ATP8A2: variants seen among roughly 807,000 people sequenced by gnomAD.
The protein encoded by ATP8A2 is phospholipid-transporting ATPase IB.
Under a neutral mutation model 165.6 loss-of-function variants are expected in ATP8A2, and 100 were observed. The observed-to-expected ratio is 0.60, with a 90% CI of 0.51 to 0.71. The LOEUF (loss-of-function observed/expected upper bound fraction) is 0.71, where lower values mean the gene tolerates loss of function less well. ATP8A2 is among the 30% of genes least tolerant of loss of function. The probability of loss-of-function intolerance (pLI) is 0.00; values close to 1 mark genes in which losing one functional copy is unlikely to be tolerated. For synonymous variants in ATP8A2, 543 were observed against 548.8 expected (o/e 0.99, Z 0.15); for missense variants, 1,227 against 1,479.5 (o/e 0.83, Z 2.80).
intron 22 of ATP8A2, among the ~76,000 whole-genome samples, chr13:25,581,178 T>C (rs760032639): frequency 6.6e-6 from 1 of 152,134 alleles, no homozygotes; most frequent in Non-Finnish European, 1.5e-5. Flanking sequence ...AGACTTGGGA[T>C]GTGAGTACAT....
At chr13:25,635,000 C>T (rs1169427090) in intron 24 of ATP8A2, among the ~76,000 whole-genome samples, 1 of 152,008 alleles carries the variant, frequency 6.6e-6, no homozygotes, top group Non-Finnish European at 1.5e-5. Context: ...TAGGGATGTT[C>T]CCTCTAATTT....
chr13:25,722,750 G>A (rs1468343591), intron 25 of ATP8A2, among the ~76,000 whole-genome samples: 1 of 152,032 alleles, frequency 6.6e-6, no homozygotes, highest in African/African-American at 2.4e-5. Context: ...CTAATTCCCT[G>A]GCTAAGACAC....
rs188656253 is a variant in ATP8A2 at position 25,506,171 on chromosome 13, G to A, written c.222-23828G>A. Among the ~76,000 whole-genome samples the A allele has an allele frequency of 2.6e-5, 4 of 152,346 alleles. No individual in the cohort carries two copies. The East Asian group carries it at 7.7e-4, about 29-fold the overall frequency. ...CTAGATAATACCGAATGATGAGAGA[G>A]CTCTTCCGCTCTCCCTGCTGAAAGT... On this transcript the variant is annotated intron_variant, in intron 2 of 36. Transcript: ENST00000381655.
At chr13:25,993,479 GTATAGTTTTATA>G (rs1956435277) in intron 35 of ATP8A2, among the ~76,000 whole-genome samples, 1 of 152,210 alleles carries the variant, frequency 6.6e-6, no homozygotes, top group Non-Finnish European at 1.5e-5. Context: ...TGCAAAAGTT[GTATAGTTTTATA>G]TTTTACTTTC....
intron 27 of ATP8A2, among the ~76,000 whole-genome samples, chr13:25,798,833 A>G (rs1025642666): frequency 6.6e-6 from 1 of 152,100 alleles, no homozygotes; most frequent in Non-Finnish European, 1.5e-5. Flanking sequence ...CTTTACCTCT[A>G]TCCTCTTAGG....
At chr13:26,007,337 T>TAGG (rs1449382997) in intron 35 of ATP8A2, among the ~76,000 whole-genome samples, 1 of 152,138 alleles carries the variant, frequency 6.6e-6, no homozygotes. Flanking sequence ...AACATTGGAG[T>TAGG]GCATGGAGAA....
intron 24 of ATP8A2, among the ~76,000 whole-genome samples, chr13:25,643,893 TG>T (rs1208758351): frequency 2.6e-5 from 4 of 152,058 alleles, no homozygotes; most frequent in Non-Finnish European, 4.4e-5. Context: ...CTATGAACAT[TG>T]TTTTTTTCAT....
At chr13:25,819,051 T>C (rs1426632578) in intron 27 of ATP8A2, among the ~76,000 whole-genome samples, 1 of 152,210 alleles carries the variant, frequency 6.6e-6, no homozygotes, top group African/African-American at 2.4e-5. Flanking sequence ...TCTGGCTCCA[T>C]GTCTGCTCAG....
At position 25,500,592 on chromosome 13, in the gene ATP8A2, A is replaced by T. The variant is rs564048779; in HGVS notation, c.222-29407A>T. ...AGTGGTAACTTGAGGCCCAATATATAATTTTTTTTTTGAGACAGGGTCTCA... is the reference window on the plus strand; with the variant it reads ...AGTGGTAACTTGAGGCCCAATATATTATTTTTTTTTTGAGACAGGGTCTCA... On this transcript the variant is annotated intron_variant, in intron 2 of 36. Coordinates refer to ENST00000381655, the MANE Select transcript of ATP8A2 (RefSeq NM_016529.6). Among the ~76,000 whole-genome samples, 15 of 150,120 alleles carry T rather than the reference A, an allele frequency of 1.0e-4. No individual in the cohort carries two copies. In the South Asian group the frequency reaches 3.2e-3, roughly 32 times the overall value.
intron 24 of ATP8A2, among the ~76,000 whole-genome samples, chr13:25,617,008 GAATAA>G (rs1453714615): frequency 1.3e-5 from 2 of 152,172 alleles, no homozygotes; most frequent in Non-Finnish European, 2.9e-5. Context: ...TGATTTCATA[GAATAA>G]AACTGAAGCC....
chr13:25,501,355 A>G (rs771875391), intron 2 of ATP8A2, among the ~76,000 whole-genome samples: 23 of 152,232 alleles, frequency 1.5e-4, no homozygotes, highest in Non-Finnish European at 2.5e-4. Context: ...CAGGTTTAGA[A>G]TTGGCTGATA....
intron 24 of ATP8A2, among the ~76,000 whole-genome samples, chr13:25,650,233 T>G (rs1193077280): frequency 2.0e-5 from 3 of 152,206 alleles, no homozygotes; most frequent in African/African-American, 7.2e-5. Context: ...TGACTCTGAC[T>G]TATTCCTAAC....
intron 1 of ATP8A2, among the ~76,000 whole-genome samples, chr13:25,450,594 T>G (rs201512175): frequency 1.4e-3 from 220 of 152,154 alleles, no homozygotes; most frequent in African/African-American, 5.1e-3. Context: ...TGCAGTGGTG[T>G]GATCTCGGCT....
In ATP8A2 at chr13:25,930,343, G is replaced by A. The variant is rs192289909; in HGVS notation, c.3184-31232G>A. On this transcript the variant is annotated intron_variant, in intron 33 of 36. Transcript: ENST00000381655. The stretch of plus-strand genomic sequence containing the variant: ...CTGGCCCTGTCCTGTTAGCTTCCCC[G>A]TAAAGCACTATCTGCCCACCTCCGC... 1.3e-3 allele frequency among the ~76,000 whole-genome samples: 195 copies of A among 152,208 alleles called. 1 individual carries two copies. In the South Asian group the frequency reaches 0.013, roughly 10 times the overall value.
chr13:25,456,860 T>C (rs1484000319), intron 1 of ATP8A2, among the ~76,000 whole-genome samples: 4 of 152,200 alleles, frequency 2.6e-5, no homozygotes, highest in Non-Finnish European at 5.9e-5. Context: ...TTCTTATACA[T>C]GTTCCTATCT....
At chr13:25,567,233 A>G in intron 16 of ATP8A2, 1 of 445,304 alleles carries the variant, frequency 2.2e-6, no homozygotes. Flanking sequence ...TTGACTGTTC[A>G]TCCCACACTC....
rs142273421 is a variant in ATP8A2 at position 25,606,279 on chromosome 13, G to C, written c.2211+16580G>C. On this transcript the variant is annotated intron_variant, in intron 24 of 36. Transcript: ENST00000381655. The stretch of plus-strand genomic sequence containing the variant: ...CTTTCCTATTTGATGTGCCATAGGA[G>C]GTGAACCATGAAAGGTAGTAGCTGT... Among the ~76,000 whole-genome samples, 9 of 152,324 alleles carry C rather than the reference G, an allele frequency of 5.9e-5. 1 individual carries two copies. Among genetic ancestry groups the C allele is most frequent in the African/African-American group, 2.2e-4 (9 of 41,570 alleles).
At chr13:25,529,348 G>T (rs17795369) in intron 2 of ATP8A2, among the ~76,000 whole-genome samples, 1 of 152,022 alleles carries the variant, frequency 6.6e-6, no homozygotes, top group African/African-American at 2.4e-5. Flanking sequence ...CATTCTTGTC[G>T]TTCCCATAAT....
chr13:25,547,437 A>G (rs1316207259), intron 10 of ATP8A2, among the ~76,000 whole-genome samples: 3 of 152,130 alleles, frequency 2.0e-5, no homozygotes, highest in Non-Finnish European at 4.4e-5. Flanking sequence ...AACTGCGCAT[A>G]CAAGGGATCT....
Sources: allele counts gnomAD v4.1 joint callset (sites outside exome capture counted in the v4.1 genomes callset), GRCh38; gene constraint gnomAD v4.1.1; transcripts MANE v1.5; gene names NCBI Gene and HGNC (gene_info 2026-07-23, HGNC 2026-07-21).